The following TUBGCP4 variants were observed in gnomAD, a reference collection of about 807,000 sequenced individuals.
The protein encoded by TUBGCP4 is gamma-tubulin complex component 4.
TUBGCP4 carries 54 observed loss-of-function variants against 91.6 expected under a neutral mutation model. That is an observed-to-expected ratio of 0.59 (90% CI 0.47 to 0.74). The LOEUF (loss-of-function observed/expected upper bound fraction) is 0.74. TUBGCP4 is among the 30% of genes least tolerant of loss of function. The probability of loss-of-function intolerance (pLI) is 0.00; values close to 1 mark genes in which losing one functional copy is unlikely to be tolerated. For missense variants in TUBGCP4, 593 were observed against 800.9 expected (o/e 0.74, Z 3.13); for synonymous variants, 297 against 302.8 (o/e 0.98, Z 0.20).
intron 6 of TUBGCP4, 114 bp downstream of exon 6, chr15:43,380,277 C>A: frequency 1.0e-6 from 1 of 966,440 alleles, no homozygotes; most frequent in Non-Finnish European, 1.6e-6. Context: ...AAGGTTATAA[C>A]CAGGATAGAA....
In TUBGCP4 at chr15:43,403,804, G is replaced by A. The variant is rs1376816910; in HGVS notation, c.1848+5G>A. On this transcript the variant is annotated splice_donor_5th_base_variant and intron_variant, in intron 16 of 17. Coordinates refer to ENST00000564079, the MANE Select transcript of TUBGCP4 (RefSeq NM_014444.5). The stretch of plus-strand genomic sequence containing the variant: ...CAGCTGAGCATTCTCGTGAAGGTGC[G>A]TCTGCCTGGAAGTATGCAGCCTTGC... 7 of 1,608,724 alleles carry A rather than the reference G, an allele frequency of 4.4e-6. No homozygotes were observed. The highest frequency in any genetic ancestry group is 1.7e-5 in the Admixed American group (1 of 60,000).
At chr15:43,374,967 A>G (rs951830986) in intron 1 of TUBGCP4, among the ~76,000 whole-genome samples, 4 of 152,192 alleles carry the variant, frequency 2.6e-5, no homozygotes, top group Admixed American at 6.5e-5. Flanking sequence ...CAGTGGTGCA[A>G]TCTCAGCTCG....
chr15:43,393,989 T>G (rs908521205), intron 9 of TUBGCP4: 1 of 152,024 alleles, frequency 6.6e-6, no homozygotes, highest in African/African-American at 2.4e-5. Context: ...TTATACTGGG[T>G]TTTTGTTTTC....
intron 8 of TUBGCP4, 26 bp from the exon 9 acceptor site, chr15:43,386,180 T>C: frequency 6.3e-7 from 1 of 1,594,896 alleles, no homozygotes; most frequent in Non-Finnish European, 8.5e-7. Flanking sequence ...TCCGTCCTCC[T>C]TTGACGGTGT....
chr15:43,382,868 C>T (rs1263592521), intron 6 of TUBGCP4, among the ~76,000 whole-genome samples: 1 of 152,086 alleles, frequency 6.6e-6, no homozygotes, highest in Non-Finnish European at 1.5e-5. Context: ...TTCATGTATA[C>T]CTGGCACTCA....
rs1595511943 is a variant in TUBGCP4 at position 43,407,220 on chromosome 15, C to T, written c.*2006C>T. ...ACAGATGAAGAAATCCCAGTTACTA[C>T]AACCAAAGAGATTCAACATTTATTT... On this transcript the variant is annotated 3_prime_UTR_variant, in exon 18 of 18. Coordinates refer to ENST00000564079, the MANE Select transcript of TUBGCP4 (RefSeq NM_014444.5). The T allele has an allele frequency of 1.3e-5, 8 of 637,732 alleles. No homozygotes were observed. Among genetic ancestry groups the T allele is most frequent in the East Asian group, 2.8e-5 (1 of 36,118 alleles). 39.5% of individuals were successfully genotyped at this position (637,732 alleles called of 1,614,324 possible). A position where few individuals can be genotyped will look rare whatever the true frequency, so the allele number is the denominator to read the frequency against.
rs1392978207 is a variant in TUBGCP4, at chr15:43,400,663, C to G, written c.1596+442C>G. 2.0e-5 allele frequency among the ~76,000 whole-genome samples: 3 copies of G among 152,132 alleles called. No homozygotes were observed. The East Asian group carries it at 5.8e-4, about 29-fold the overall frequency. ...AGGTGTCATGGGTCACGTCTGTAAT[C>G]TCAGCACTTTGGGAGGCTGAGATGG... On this transcript the variant is annotated intron_variant, in intron 14 of 17. Transcript: ENST00000564079.
At chr15:43,388,591 A>G (rs1566895658) in intron 9 of TUBGCP4, among the ~76,000 whole-genome samples, 1 of 152,212 alleles carries the variant, frequency 6.6e-6, no homozygotes, top group Non-Finnish European at 1.5e-5. Flanking sequence ...TTGCTTTATC[A>G]TTTTTATTAT....
rs878888521 is a variant in TUBGCP4 at position 43,377,983 on chromosome 15, C to T, written c.441+80C>T. On this transcript the variant is annotated intron_variant, in intron 5 of 17. Coordinates refer to ENST00000564079, the MANE Select transcript of TUBGCP4 (RefSeq NM_014444.5). ...ATTAATTTTGCTTTACATTATTTTTCGAAGACCCTAGTTTTTAGTAGTTTT... is the reference window on the plus strand; with the variant it reads ...ATTAATTTTGCTTTACATTATTTTTTGAAGACCCTAGTTTTTAGTAGTTTT... 1.9e-4 allele frequency: 214 copies of T among 1,109,902 alleles called. 1 individual carries two copies. Among genetic ancestry groups the T allele is most frequent in the South Asian group, 1.0e-3 (69 of 67,568 alleles). The allele number at this position is 1,109,902 out of a possible 1,614,324, so 68.8% of individuals were successfully genotyped here.
At chr15:43,371,468 G>A (rs1047789853) in intron 1 of TUBGCP4, 36 bp downstream of exon 1, 13 of 1,607,632 alleles carry the variant, frequency 8.1e-6, no homozygotes, top group African/African-American at 1.3e-5. Context: ...ACCAGGGAGC[G>A]CAGGAGGGGG....
chr15:43,371,505 G>C, intron 1 of TUBGCP4, 73 bp downstream of exon 1: 1 of 1,489,498 alleles, frequency 6.7e-7, no homozygotes. Context: ...TGGGGGAGTA[G>C]GCTGAGGGAC....
In TUBGCP4 at chr15:43,402,000, T is replaced by G. The variant is rs915334679; in HGVS notation, c.1731+150T>G. On this transcript the variant is annotated intron_variant, in intron 15 of 17. Coordinates refer to ENST00000564079, the MANE Select transcript of TUBGCP4 (RefSeq NM_014444.5). ...TAAGAATGTGTAAAGCGGCGGGGCA[T>G]GGTGGCTCATGCCTGTAATCCCAGC... 3 of 996,622 alleles carry G rather than the reference T, an allele frequency of 3.0e-6. No individual in the cohort carries two copies. In the Admixed American group the frequency reaches 8.8e-5, roughly 29 times the overall value. The allele number at this position is 996,622 out of a possible 1,614,324, so 61.7% of individuals were successfully genotyped here. A position where few individuals can be genotyped will look rare whatever the true frequency, so the allele number is the denominator to read the frequency against.
Position 43,403,799 on chromosome 15 carries a change from G to A in TUBGCP4, c.1848G>A (p.Lys616=). 1 of 1,611,594 alleles carries A rather than the reference G, an allele frequency of 6.2e-7. No individual in the cohort carries two copies. The highest frequency in any genetic ancestry group is 8.5e-7 in the Non-Finnish European group (1 of 1,177,768). Reference sequence around the variant, plus strand: ...CCGCCCAGCTGAGCATTCTCGTGAAGGTGCGTCTGCCTGGAAGTATGCAGC... The same window carrying A: ...CCGCCCAGCTGAGCATTCTCGTGAAAGTGCGTCTGCCTGGAAGTATGCAGC... The part of the protein sequence containing the change: ...RGAAQLSILV[K]GFSRQSSLLF... Residue 616 remains lysine (K), a splice_region_variant and synonymous_variant, in exon 16 of 18, where the codon AAG becomes AAA. Coordinates refer to ENST00000564079, the MANE Select transcript of TUBGCP4 (RefSeq NM_014444.5).
intron 15 of TUBGCP4, 131 bp from the exon 16 acceptor site, chr15:43,403,552 T>C: frequency 2.9e-6 from 2 of 678,158 alleles, no homozygotes; most frequent in Middle Eastern, 4.2e-4. Context: ...CACGTGGCAG[T>C]GTCTATCCTG....
At chr15:43,384,670 G>A (rs2044329701) in intron 7 of TUBGCP4, among the ~76,000 whole-genome samples, 1 of 152,180 alleles carries the variant, frequency 6.6e-6, no homozygotes, top group South Asian at 2.1e-4. Flanking sequence ...TTAAGCAGAG[G>A]CAAGATCACA....
chr15:43,408,052 T>C lies in TUBGCP4; in HGVS notation c.*2838T>C. The C allele has an allele frequency of 6.2e-7, 1 of 1,614,014 alleles. No homozygotes were observed. Among genetic ancestry groups the C allele is most frequent in the Non-Finnish European group, 8.5e-7 (1 of 1,179,962 alleles). ...TCTGCTGTTGGTCTGATACCAAGAG[T>C]ACCTTCAGATTCTGGAAAGGATTTT... On this transcript the variant is annotated 3_prime_UTR_variant, in exon 18 of 18. Coordinates refer to ENST00000564079, the MANE Select transcript of TUBGCP4 (RefSeq NM_014444.5).
intron 15 of TUBGCP4, 77 bp from the exon 16 acceptor site, chr15:43,403,606 A>G: frequency 9.3e-7 from 1 of 1,070,870 alleles, no homozygotes; most frequent in East Asian, 2.4e-5. Context: ...GCTATTAATC[A>G]GACTGTTCTC....
chr15:43,393,667 A>G (rs1342277923), intron 9 of TUBGCP4, among the ~76,000 whole-genome samples: 6 of 151,982 alleles, frequency 3.9e-5, no homozygotes, highest in South Asian at 2.1e-4. Flanking sequence ...TCATTGTTCA[A>G]TTCCCACCTA....
In TUBGCP4 at chr15:43,380,274, T is replaced by C. The variant is rs1005152782; in HGVS notation, c.521+111T>C. 1.9e-5 allele frequency: 19 copies of C among 977,296 alleles called. No individual in the cohort carries two copies. The African/African-American group carries it at 3.0e-4, about 15-fold the overall frequency. The allele number at this position is 977,296 out of a possible 1,614,324, so 60.5% of individuals were successfully genotyped here. A position where few individuals can be genotyped will look rare whatever the true frequency, so the allele number is the denominator to read the frequency against. ...TCAGGTTTCCCTCTTGGGAAGGTTA[T>C]AACCAGGATAGAAAAAGCTCCATGA... is the stretch of plus-strand genomic sequence containing the variant. On this transcript the variant is annotated intron_variant, in intron 6 of 17. Coordinates refer to ENST00000564079, the MANE Select transcript of TUBGCP4 (RefSeq NM_014444.5).
Sources: gnomAD v4.1 joint callset for allele counts (sites outside exome capture counted in the v4.1 genomes callset) on GRCh38, gnomAD v4.1.1 for gene constraint, MANE v1.5 for transcripts, NCBI Gene and HGNC (gene_info 2026-07-23, HGNC 2026-07-21) for gene names.